DCC: variants seen among roughly 807,000 people sequenced by gnomAD.
DCC encodes netrin receptor DCC.
Under a neutral mutation model 172.5 loss-of-function variants are expected in DCC, and 58 were observed. The observed-to-expected ratio is 0.34, with a 90% CI of 0.27 to 0.42. DCC has a LOEUF of 0.42. DCC is among the 10% of genes least tolerant of loss of function. The pLI is 1.00. For synonymous variants in DCC, 709 were observed against 644.5 expected, an observed-to-expected ratio of 1.10 and a Z score of -1.52; for missense variants, 1,740 against 1,791.0, an observed-to-expected ratio of 0.97 and a Z score of 0.51.
chr18:52,507,197 C>T (rs1002544710), intron 1 of DCC, among the ~76,000 whole-genome samples: 1 of 151,958 alleles, frequency 6.6e-6, no homozygotes, highest in Non-Finnish European at 1.5e-5. Flanking sequence ...ATTTGGTTCC[C>T]CCTTGTTATT....
chr18:52,591,146 A>G (rs1470958), intron 1 of DCC, among the ~76,000 whole-genome samples: 5,296 of 152,216 alleles, frequency 0.035, 143 homozygotes, highest in Admixed American at 0.064. Flanking sequence ...AGGAAGGAAA[A>G]CCTGCTATGA....
At position 52,768,870 on chromosome 18, in the gene DCC, G is replaced by A. The variant is rs147252609; in HGVS notation, c.412+16496G>A. ...TTTTTAGAAAGTTAGAATTAGAAAA[G>A]GGTGAGGGAGAAATAAACAAGGAAG... On this transcript the variant is annotated intron_variant, in intron 2 of 28. Transcript: ENST00000442544. 2.1e-3 allele frequency among the ~76,000 whole-genome samples: 315 copies of A among 152,280 alleles called. No individual in the cohort carries two copies. In the East Asian group the frequency reaches 0.021, roughly 10 times the overall value.
intron 1 of DCC, among the ~76,000 whole-genome samples, chr18:52,734,195 G>C (rs1366876816): frequency 2.0e-5 from 3 of 151,642 alleles, no homozygotes; most frequent in Non-Finnish European, 2.9e-5. Context: ...ATATGTATGG[G>C]GTACATGAGA....
intron 12 of DCC, among the ~76,000 whole-genome samples, chr18:53,256,555 T>C (rs573873731): frequency 4.6e-5 from 7 of 152,278 alleles, no homozygotes; most frequent in African/African-American, 1.4e-4. Context: ...GGCTCTGTTC[T>C]GTTCCATTGG....
chr18:53,338,086 C>T (rs1451197505), intron 14 of DCC, among the ~76,000 whole-genome samples: 1 of 152,202 alleles, frequency 6.6e-6, no homozygotes, highest in Non-Finnish European at 1.5e-5. Flanking sequence ...CATATCTTTG[C>T]ATAATACTTC....
chr18:52,720,739 T>G (rs1312421751), intron 1 of DCC, among the ~76,000 whole-genome samples: 1 of 152,216 alleles, frequency 6.6e-6, no homozygotes, highest in Admixed American at 6.5e-5. Context: ...ACCATTTAAC[T>G]TGTGACACAG....
In DCC at chr18:52,675,939, T is replaced by C. The variant is rs369093192; in HGVS notation, c.92-76115T>C. ...CCAGCTCTTTGACTATGTGGGTAGA[T>C]AACCTTCAGCAAATGATTGATCTTT... is the stretch of plus-strand genomic sequence containing the variant. On this transcript the variant is annotated intron_variant, in intron 1 of 28. Coordinates refer to ENST00000442544, the MANE Select transcript of DCC (RefSeq NM_005215.4). Among the ~76,000 whole-genome samples the C allele has an allele frequency of 1.4e-4, 22 of 152,372 alleles. 2 individuals are homozygous for C. In the East Asian group the frequency reaches 3.3e-3, roughly 23 times the overall value.
chr18:52,874,589 A>C (rs189346931), intron 2 of DCC, among the ~76,000 whole-genome samples: 2 of 152,170 alleles, frequency 1.3e-5, no homozygotes, highest in African/African-American at 4.8e-5. Context: ...TCTACATCAT[A>C]TCTCTTTTAT....
rs2055976474 is a variant in DCC at position 53,223,614 on chromosome 18, T to A, written c.1911+8017T>A. On this transcript the variant is annotated intron_variant, in intron 12 of 28. Coordinates refer to ENST00000442544, the MANE Select transcript of DCC (RefSeq NM_005215.4). ...ATGGAAGTTGCCCTTATAGTTGGAA[T>A]GGTTGATTAGTTAGAAGACATGAAT... Among the ~76,000 whole-genome samples, 3 of 152,286 alleles carry A rather than the reference T, an allele frequency of 2.0e-5. No homozygotes were observed. The South Asian group carries it at 6.2e-4, about 32-fold the overall frequency.
At chr18:53,126,705 T>C (rs542944287) in intron 7 of DCC, among the ~76,000 whole-genome samples, 1 of 152,268 alleles carries the variant, frequency 6.6e-6, no homozygotes, top group Admixed American at 6.5e-5. Context: ...TCGTGTTCTT[T>C]GTTGTCATCA....
chr18:53,169,350 C>G (rs1410096646), intron 8 of DCC, among the ~76,000 whole-genome samples: 1 of 152,196 alleles, frequency 6.6e-6, no homozygotes, highest in Non-Finnish European at 1.5e-5. Context: ...TTCTTATAGC[C>G]TCCTTGTAAA....
chr18:53,082,720 A>G (rs1284662327), intron 7 of DCC, among the ~76,000 whole-genome samples: 1 of 152,086 alleles, frequency 6.6e-6, no homozygotes, highest in Non-Finnish European at 1.5e-5. Flanking sequence ...TATAGTTTCC[A>G]CGTGGTATGT....
At chr18:53,341,981 T>C (rs1409741241) in intron 15 of DCC, among the ~76,000 whole-genome samples, 1 of 152,116 alleles carries the variant, frequency 6.6e-6, no homozygotes, top group African/African-American at 2.4e-5. Context: ...AATTTTATGT[T>C]TTAAGGACTG....
In DCC at chr18:52,894,799, C is replaced by T. The variant is rs1302624175; in HGVS notation, c.413-11245C>T. ...ATTTTCTTTTATTCTGCTTCTTGTT[C>T]TATTTGGGCCTTTAACGGATTGGAT... On this transcript the variant is annotated intron_variant, in intron 2 of 28. Coordinates refer to ENST00000442544, the MANE Select transcript of DCC (RefSeq NM_005215.4). Among the ~76,000 whole-genome samples the T allele has an allele frequency of 2.0e-5, 3 of 152,244 alleles. No homozygotes were observed. The East Asian group carries it at 5.8e-4, about 30-fold the overall frequency.
intron 5 of DCC, among the ~76,000 whole-genome samples, chr18:52,959,896 T>A (rs774410205): frequency 6.6e-6 from 1 of 152,094 alleles, no homozygotes; most frequent in Admixed American, 6.6e-5. Flanking sequence ...GCTGGGGGAA[T>A]TAGGCAGTGA....
chr18:52,837,972 A>C (rs1263186228), intron 2 of DCC, among the ~76,000 whole-genome samples: 1 of 152,154 alleles, frequency 6.6e-6, no homozygotes, highest in Non-Finnish European at 1.5e-5. Context: ...TGCCCAGTGA[A>C]GGGGGAAGCC....
intron 1 of DCC, among the ~76,000 whole-genome samples, chr18:52,688,996 A>T (rs1237887501): frequency 6.6e-6 from 1 of 152,174 alleles, no homozygotes; most frequent in Non-Finnish European, 1.5e-5. Flanking sequence ...TTTTAATTCA[A>T]ATTAGGCTCA....
Position 52,864,869 on chromosome 18 carries a change from TA to T in DCC, c.413-41174del, listed in dbSNP as rs201862877. ...AAAGGATATGAACTCATCCTTTTTT[TA>T]TTTTATTTTTATTGAGACGGAGTCT... On this transcript the variant is annotated intron_variant, in intron 2 of 28. Transcript: ENST00000442544. Among the ~76,000 whole-genome samples, 223 of 150,850 alleles carry T rather than the reference TA, an allele frequency of 1.5e-3. 1 individual carries two copies. The highest frequency in any genetic ancestry group is 3.4e-3 in the Middle Eastern group (1 of 290).
At chr18:53,356,341 G>GT (rs947115951) in intron 15 of DCC, among the ~76,000 whole-genome samples, 4 of 151,774 alleles carry the variant, frequency 2.6e-5, no homozygotes, top group Non-Finnish European at 4.4e-5. Context: ...TATTTATTAT[G>GT]TTTTTTTCTT....
Sources: allele counts gnomAD v4.1 joint callset (sites outside exome capture counted in the v4.1 genomes callset), GRCh38; gene constraint gnomAD v4.1.1; transcripts MANE v1.5; gene names NCBI Gene and HGNC (gene_info 2026-07-23, HGNC 2026-07-21).